MRPS22: variants seen among roughly 807,000 people sequenced by gnomAD.
MRPS22 encodes the protein small ribosomal subunit protein mS22.
MRPS22 carries 30 observed loss-of-function variants against 44.0 expected under a neutral mutation model. That is an observed-to-expected ratio of 0.68 (90% CI 0.51 to 0.93). The LOEUF (loss-of-function observed/expected upper bound fraction) is 0.93. Among genes scored for constraint, MRPS22 ranks in the 40% least tolerant of loss-of-function variants. The pLI is 0.00. For synonymous variants in MRPS22, 165 were observed against 154.4 expected, an observed-to-expected ratio of 1.07 and a Z score of -0.51; for missense variants, 447 against 447.8, an observed-to-expected ratio of 1.00 and a Z score of 0.02.
rs79874604 is a variant in MRPS22, at chr3:139,346,425, A to T, written c.173-453A>T. Reference sequence around the variant, plus strand: ...TGGAAACCATCTAGGATCCAGAACCAGACAAACCTTGGTTTAAATTTTGAC... The same window carrying T: ...TGGAAACCATCTAGGATCCAGAACCTGACAAACCTTGGTTTAAATTTTGAC... On this transcript the variant is annotated intron_variant, in intron 1 of 7. Coordinates refer to ENST00000680020, the MANE Select transcript of MRPS22 (RefSeq NM_020191.4). Among the ~76,000 whole-genome samples the T allele has an allele frequency of 2.0e-3, 297 of 152,264 alleles. 1 individual carries two copies. The highest frequency in any genetic ancestry group is 3.3e-3 in the Non-Finnish European group (225 of 68,030).
chr3:139,344,030 G>A lies in MRPS22; in HGVS notation c.4G>A (p.Ala2Thr). Residue 2 changes from alanine to threonine, a missense_variant, in exon 1 of 8, where the codon GCG becomes ACG. Ala to Thr is a moderately conservative substitution (Grantham distance 58). Transcript: ENST00000680020. ...GCGCAAGTGGCTTCTGATAATCATG[G>A]CGCCCCTCGGAACAACTGTATTGCT... MAPLGTTVLLWS... is the reference protein window; with the variant it reads MTPLGTTVLLWS... The A allele has an allele frequency of 6.2e-7, 1 of 1,614,168 alleles. No homozygotes were observed. The highest frequency in any genetic ancestry group is 2.2e-5 in the East Asian group (1 of 44,854).
At chr3:139,356,848 T>C (rs1941285402) in intron 7 of MRPS22, 71 bp from the exon 8 acceptor site, 2 of 1,126,830 alleles carry the variant, frequency 1.8e-6, no homozygotes, top group Admixed American at 1.9e-5. Context: ...GCTAATGATG[T>C]CTTAAAACTG....
intron 1 of MRPS22, among the ~76,000 whole-genome samples, chr3:139,346,485 C>T (rs1177596700): frequency 6.6e-6 from 1 of 152,192 alleles, no homozygotes; most frequent in Non-Finnish European, 1.5e-5. Flanking sequence ...TTTGGATAGG[C>T]TTCAGCATCC....
rs1941298430 is a variant in MRPS22, at chr3:139,357,112, A to AATT, written c.*99_*101dup. 9.8e-7 allele frequency: 1 copy of AATT among 1,024,004 alleles called. No homozygotes were observed. The highest frequency in any genetic ancestry group is 2.1e-5 in the Admixed American group (1 of 47,926). 63.4% of individuals were successfully genotyped at this position (1,024,004 alleles called of 1,614,324 possible). On this transcript the variant is annotated 3_prime_UTR_variant, in exon 8 of 8. Transcript: ENST00000680020. ...AAAAATGGCCAGATTAAAAGATATC[A>AATT]ATTTGTAGTTCTCCCTACAAAGCAA...
In MRPS22 at chr3:139,348,255, T is replaced by A; in HGVS notation, c.435T>A (p.Asp145Glu). The A allele has an allele frequency of 1.2e-6, 2 of 1,614,134 alleles. No homozygotes were observed. The change falls in exon 3 of 8, where the codon GAT becomes GAA. Residue 145 changes from aspartate (D) to glutamate (E), a missense_variant. By Grantham distance (45) the Asp-to-Glu change is conservative (BLOSUM62 2). Coordinates refer to ENST00000680020, the MANE Select transcript of MRPS22 (RefSeq NM_020191.4). ...CAATAAATGATGTGTTAGCTGAAGA[T>A]AAGATTTTGGAAGGAACAGAAACAA... ...RVPINDVLAE[D>E]KILEGTETTK...
At chr3:139,356,581 A>G (rs984812910) in intron 7 of MRPS22, among the ~76,000 whole-genome samples, 4 of 152,232 alleles carry the variant, frequency 2.6e-5, no homozygotes, top group Non-Finnish European at 5.9e-5. Flanking sequence ...TAAAGTCAAA[A>G]GTTAGTTTGG....
Position 139,356,886 on chromosome 3 carries a change from A to G in MRPS22, c.988-33A>G, listed in dbSNP as rs78116750. The G allele has an allele frequency of 0.076, 113,633 of 1,492,542 alleles. 4,713 individuals are homozygous for G. Among genetic ancestry groups the G allele is most frequent in the Middle Eastern group, 0.12 (635 of 5,322 alleles). The allele number at this position is 1,492,542 out of a possible 1,614,324, so 92.5% of individuals were successfully genotyped here. A position where few individuals can be genotyped will look rare whatever the true frequency, so the allele number is the denominator to read the frequency against. On this transcript the variant is annotated intron_variant, in intron 7 of 7. Transcript: ENST00000680020. ...AAACTTTATAAATAGCATATGTCCT[A>G]TTGTTTTAAAATTTTCTTTTTAATT...
Position 139,355,767 on chromosome 3 carries a change from G to A in MRPS22, c.964G>A (p.Ala322Thr). 1.2e-6 allele frequency: 2 copies of A among 1,614,058 alleles called. No individual in the cohort carries two copies. Among genetic ancestry groups the A allele is most frequent in the South Asian group, 2.2e-5 (2 of 91,082 alleles). The change falls in exon 7 of 8, where the codon GCT becomes ACT. Residue 322 changes from alanine to threonine, a missense_variant. Coordinates refer to ENST00000680020, the MANE Select transcript of MRPS22 (RefSeq NM_020191.4). ...GGCTCAAGGGGCCAAGGATCAGGCT[G>A]CTGAGGGAATAAATTTAATCAAGGT... ...QSAQGAKDQA[A>T]EGINLIKVFA...
rs186255890 is a variant in MRPS22 at position 139,356,839 on chromosome 3, C to A, written c.988-80C>A. 4 of 1,013,556 alleles carry A rather than the reference C, an allele frequency of 3.9e-6. No individual in the cohort carries two copies. The Admixed American group carries it at 6.1e-5, about 15-fold the overall frequency. The allele number at this position is 1,013,556 out of a possible 1,614,324, so 62.8% of individuals were successfully genotyped here. A position where few individuals can be genotyped will look rare whatever the true frequency, so the allele number is the denominator to read the frequency against. ...AGGACTCTTTGCTACTACAGAAATG[C>A]TAATGATGTCTTAAAACTGAAAAAC... On this transcript the variant is annotated intron_variant, in intron 7 of 7. Transcript: ENST00000680020.
intron 1 of MRPS22, among the ~76,000 whole-genome samples, chr3:139,346,385 A>C (rs1243941068): frequency 6.6e-6 from 1 of 152,110 alleles, no homozygotes; most frequent in Non-Finnish European, 1.5e-5. Context: ...TATACCGAGG[A>C]GCGCTATGAT....
intron 5 of MRPS22, chr3:139,352,442 T>C (rs1941168384): frequency 3.9e-6 from 2 of 510,992 alleles, no homozygotes; most frequent in East Asian, 3.6e-5. Flanking sequence ...CCAAAATTCT[T>C]TCTTAATAGA....
chr3:139,355,908 C>A, intron 7 of MRPS22, 118 bp downstream of exon 7: 1 of 764,052 alleles, frequency 1.3e-6, no homozygotes, highest in South Asian at 1.5e-5. Flanking sequence ...CATCTGTGGT[C>A]TTGAAAACAT....
At chr3:139,355,316 C>T (rs1218404012) in intron 6 of MRPS22, among the ~76,000 whole-genome samples, 1 of 152,154 alleles carries the variant, frequency 6.6e-6, no homozygotes, top group Non-Finnish European at 1.5e-5. Context: ...TTGGATTAGA[C>T]TATTACATGC....
chr3:139,345,521 G>A (rs1488741975), intron 1 of MRPS22, among the ~76,000 whole-genome samples: 2 of 141,202 alleles, frequency 1.4e-5, no homozygotes, highest in African/African-American at 5.2e-5. Flanking sequence ...AGTATTAAAT[G>A]GGCTGAATGT....
chr3:139,349,113 TA>T (rs1941099812), intron 3 of MRPS22: 2 of 345,532 alleles, frequency 5.8e-6, no homozygotes, highest in Non-Finnish European at 1.1e-5. Context: ...ATATTTGACA[TA>T]ATGAACATGA....
intron 5 of MRPS22, 127 bp from the exon 6 acceptor site, chr3:139,352,520 T>G: frequency 1.0e-5 from 8 of 768,096 alleles, no homozygotes; most frequent in Non-Finnish European, 1.6e-5. Context: ...GTTAATGATA[T>G]GGAGGCAACT....
At position 139,352,680 on chromosome 3, in the gene MRPS22, CGT is replaced by C. The variant is rs863224077; in HGVS notation, c.768_769del (p.Gly257LysfsTer3). Reference sequence around the variant, plus strand: ...CAAGACCTATGAAGATATAGATAAACGTGGAAAATATGACCTTTTACGTTCAA... The same window carrying C: ...CAAGACCTATGAAGATATAGATAAACGGAAAATATGACCTTTTACGTTCAA... ...HHKTYEDIDK[R>X]GKYDLLRSTR... On this transcript the variant is annotated frameshift_variant, in exon 6 of 8. Coordinates refer to ENST00000680020, the MANE Select transcript of MRPS22 (RefSeq NM_020191.4). LOFTEE classifies it high-confidence loss of function. 6.2e-7 allele frequency: 1 copy of C among 1,613,154 alleles called. No individual in the cohort carries two copies. Among genetic ancestry groups the C allele is most frequent in the Non-Finnish European group, 8.5e-7 (1 of 1,179,256 alleles).
intron 7 of MRPS22, 110 bp downstream of exon 7, chr3:139,355,900 T>C (rs1215622250): frequency 1.3e-6 from 1 of 795,890 alleles, no homozygotes; most frequent in African/African-American, 1.7e-5. Flanking sequence ...ATATGGGACA[T>C]CTGTGGTCTT....
intron 7 of MRPS22, among the ~76,000 whole-genome samples, chr3:139,356,548 A>G (rs541173899): frequency 3.6e-4 from 55 of 152,330 alleles, no homozygotes; most frequent in Non-Finnish European, 6.0e-4. Context: ...ATAAAGCGCA[A>G]TGTTTTTGGA....
Sources: allele counts gnomAD v4.1 joint callset (sites outside exome capture counted in the v4.1 genomes callset), GRCh38; gene constraint gnomAD v4.1.1; transcripts MANE v1.5; gene names NCBI Gene and HGNC (gene_info 2026-07-23, HGNC 2026-07-21).